The following MAGI1 variants were observed in gnomAD, a reference collection of about 807,000 sequenced individuals.
MAGI1 encodes the protein membrane associated guanylate kinase, WW and PDZ domain containing 1.
A neutral mutation model predicts 139.9 loss-of-function variants in MAGI1; 58 were observed. That is an observed-to-expected ratio of 0.41 (90% CI 0.34 to 0.52). MAGI1 has a LOEUF of 0.52. MAGI1 is among the 20% of genes least tolerant of loss of function. The probability of loss-of-function intolerance (pLI) is 0.12; values close to 1 mark genes in which losing one functional copy is unlikely to be tolerated. For synonymous variants in MAGI1, 812 were observed against 737.9 expected (o/e 1.10, Z -1.63); for missense variants, 1,874 against 1,901.6 (o/e 0.99, Z 0.27).
intron 1 of MAGI1, among the ~76,000 whole-genome samples, chr3:65,630,524 A>C (rs2107148029): frequency 6.6e-6 from 1 of 152,328 alleles, no homozygotes; most frequent in South Asian, 2.1e-4. Flanking sequence ...ACACCATGGA[A>C]TACTACTCAG....
At chr3:65,817,486 G>A (rs1443296055) in intron 1 of MAGI1, among the ~76,000 whole-genome samples, 1 of 152,122 alleles carries the variant, frequency 6.6e-6, no homozygotes, top group Admixed American at 6.5e-5. Flanking sequence ...CAATCTACAT[G>A]AAAACAAGAG....
In MAGI1 at chr3:65,439,910, C is replaced by CTGT. The variant is rs1948145668; in HGVS notation, c.1238_1239insACA (p.Gln421dup). The CTGT allele has an allele frequency of 6.3e-7, 1 of 1,590,428 alleles. No homozygotes were observed. Among genetic ancestry groups the CTGT allele is most frequent in the Non-Finnish European group, 8.6e-7 (1 of 1,164,470 alleles). ...TCTGCTGCTGCTGCTGCTGCTGCTG[C>CTGT]TGCTGTTGCTGCTGCTGTTGCTGCT... is the stretch of plus-strand genomic sequence containing the variant. On this transcript the variant is annotated inframe_insertion, in exon 9 of 23. Coordinates refer to ENST00000402939, the MANE Select transcript of MAGI1 (RefSeq NM_001033057.2).
At chr3:65,686,036 A>C (rs2087995802) in intron 1 of MAGI1, among the ~76,000 whole-genome samples, 1 of 149,584 alleles carries the variant, frequency 6.7e-6, no homozygotes. Context: ...AGGGAAACAA[A>C]GTGAACAGCA....
At chr3:65,375,549 G>A (rs1942435223) in intron 18 of MAGI1, among the ~76,000 whole-genome samples, 196 bp downstream of exon 18, 2 of 152,164 alleles carry the variant, frequency 1.3e-5, no homozygotes, top group African/African-American at 4.8e-5. Context: ...ACACAAGAGG[G>A]TGAGGTATGG....
chr3:65,557,500 C>A (rs1440576755), intron 2 of MAGI1, among the ~76,000 whole-genome samples: 1 of 152,168 alleles, frequency 6.6e-6, no homozygotes, highest in Non-Finnish European at 1.5e-5. Context: ...GGATTCCTGA[C>A]CCTCAGAAAC....
At chr3:65,462,610 T>C (rs981645036) in intron 5 of MAGI1, among the ~76,000 whole-genome samples, 8 of 152,236 alleles carry the variant, frequency 5.3e-5, no homozygotes, top group Admixed American at 4.6e-4. Context: ...GCTCTTTTTC[T>C]GGTTCTATAT....
At position 65,826,668 on chromosome 3, in the gene MAGI1, T is replaced by A. The variant is rs74854510; in HGVS notation, c.314-204580A>T. ...GCCTGACATTTATCAGCATGGATTT[T>A]AAAAAATTGTCTCTAATTACATTAA... On this transcript the variant is annotated intron_variant, in intron 1 of 22. Transcript: ENST00000402939. Among the ~76,000 whole-genome samples the A allele has an allele frequency of 0.021, 3,214 of 152,314 alleles. 223 individuals are homozygous for A. In the South Asian group the frequency reaches 0.22, roughly 10 times the overall value.
At chr3:65,583,346 T>G (rs2081527018) in intron 2 of MAGI1, among the ~76,000 whole-genome samples, 1 of 152,204 alleles carries the variant, frequency 6.6e-6, no homozygotes, top group South Asian at 2.1e-4. Context: ...CACCAAAACA[T>G]GCGTCTTGCA....
At chr3:65,710,964 C>G (rs1450107462) in intron 1 of MAGI1, among the ~76,000 whole-genome samples, 1 of 152,206 alleles carries the variant, frequency 6.6e-6, no homozygotes, top group African/African-American at 2.4e-5. Flanking sequence ...AGACCTTCAA[C>G]TGTTTGCCTT....
intron 1 of MAGI1, among the ~76,000 whole-genome samples, chr3:65,634,998 G>C (rs1238612048): frequency 6.6e-6 from 1 of 152,156 alleles, no homozygotes; most frequent in Non-Finnish European, 1.5e-5. Flanking sequence ...AACAGCTGGT[G>C]AATCCTGGTG....
chr3:65,921,850 G>C (rs1323251709), intron 1 of MAGI1, among the ~76,000 whole-genome samples: 1 of 151,824 alleles, frequency 6.6e-6, no homozygotes, highest in Non-Finnish European at 1.5e-5. Context: ...AGGCTGCAGT[G>C]AGCCACGATG....
chr3:65,975,092 T>TAA lies in MAGI1; in HGVS notation c.313+62902_313+62903dup, dbSNP rs35610967. On this transcript the variant is annotated intron_variant, in intron 1 of 22. Transcript: ENST00000402939. ...AAAGATTAAAAGGGAAATAGCTATT[T>TAA]AAAAAAAAAAAAACAGTAAATATCC... Among the ~76,000 whole-genome samples, 574 of 147,052 alleles carry TAA rather than the reference T, an allele frequency of 3.9e-3. 4 individuals carry two copies. The highest frequency in any genetic ancestry group is 0.018 in the South Asian group (83 of 4,660).
chr3:65,851,301 A>G (rs1221430843), intron 1 of MAGI1, among the ~76,000 whole-genome samples: 1 of 152,202 alleles, frequency 6.6e-6, no homozygotes, highest in Non-Finnish European at 1.5e-5. Flanking sequence ...TCTGCATATT[A>G]ACAAGAACTG....
At chr3:65,560,015 G>A (rs1009438689) in intron 2 of MAGI1, among the ~76,000 whole-genome samples, 7 of 152,182 alleles carry the variant, frequency 4.6e-5, no homozygotes, top group Admixed American at 1.3e-4. Context: ...CAGCCTGGGC[G>A]AGAGAGTGAG....
chr3:65,471,394 G>C (rs1236178259), intron 4 of MAGI1, among the ~76,000 whole-genome samples: 3 of 152,184 alleles, frequency 2.0e-5, no homozygotes, highest in Admixed American at 2.0e-4. Context: ...AGACATTTCT[G>C]ATTTAGCAAA....
intron 1 of MAGI1, among the ~76,000 whole-genome samples, chr3:65,819,145 G>A (rs2041790247): frequency 6.6e-6 from 1 of 152,088 alleles, no homozygotes. Flanking sequence ...TTAGCGGGGT[G>A]TGTTGGAGCA....
chr3:65,374,489 T>G (rs151322648), intron 18 of MAGI1, among the ~76,000 whole-genome samples: 110 of 152,182 alleles, frequency 7.2e-4, no homozygotes, highest in African/African-American at 2.4e-3. Flanking sequence ...AGCTAATTTT[T>G]ATATTTTTAG....
rs75228669 is a variant in MAGI1, at chr3:65,832,726, A to G, written c.313+205270T>C. ...TAGGGCAGCTCCAGGCATACAAGAGATATTTAATGTTTACTGAAATGACTA... is the reference window on the plus strand; with the variant it reads ...TAGGGCAGCTCCAGGCATACAAGAGGTATTTAATGTTTACTGAAATGACTA... On this transcript the variant is annotated intron_variant, in intron 1 of 22. Coordinates refer to ENST00000402939, the MANE Select transcript of MAGI1 (RefSeq NM_001033057.2). Among the ~76,000 whole-genome samples, 75 of 152,230 alleles carry G rather than the reference A, an allele frequency of 4.9e-4. 1 individual carries two copies. The highest frequency in any genetic ancestry group is 2.5e-3 in the South Asian group (12 of 4,824).
intron 1 of MAGI1, among the ~76,000 whole-genome samples, chr3:65,731,131 C>T (rs1442627931): frequency 6.6e-6 from 1 of 152,118 alleles, no homozygotes; most frequent in East Asian, 1.9e-4. Context: ...ATAACCCATA[C>T]CCCATGATTT....
Sources: allele counts gnomAD v4.1 joint callset (sites outside exome capture counted in the v4.1 genomes callset), GRCh38; gene constraint gnomAD v4.1.1; transcripts MANE v1.5; gene names NCBI Gene and HGNC (gene_info 2026-07-23, HGNC 2026-07-21).